The following SHC3 variants were observed in gnomAD, a reference collection of about 807,000 sequenced individuals.
The protein encoded by SHC3 is SHC-transforming protein 3.
A neutral mutation model predicts 60.4 loss-of-function variants in SHC3; 15 were observed. That is an observed-to-expected ratio of 0.25 (90% CI 0.17 to 0.38). The LOEUF (loss-of-function observed/expected upper bound fraction) is 0.38, where lower values mean the gene tolerates loss of function less well. Among genes scored for constraint, SHC3 ranks in the 10% least tolerant of loss-of-function variants. SHC3 has a pLI of 1.00. For missense variants in SHC3, 677 were observed against 786.1 expected, an observed-to-expected ratio of 0.86 and a Z score of 1.66; for synonymous variants, 294 against 325.9, an observed-to-expected ratio of 0.90 and a Z score of 1.05.
At chr9:89,161,634 C>A (rs1200855960) in intron 1 of SHC3, among the ~76,000 whole-genome samples, 1 of 152,008 alleles carries the variant, frequency 6.6e-6, no homozygotes, top group Non-Finnish European at 1.5e-5. Context: ...CAGCCAATAT[C>A]ATACTGAATG....
At position 89,160,854 on chromosome 9, in the gene SHC3, T is replaced by C. The variant is rs536035743; in HGVS notation, c.474+17133A>G. Among the ~76,000 whole-genome samples the C allele has an allele frequency of 9.4e-4, 143 of 152,334 alleles. 3 individuals are homozygous for C. In the South Asian group the frequency reaches 0.028, roughly 30 times the overall value. On this transcript the variant is annotated intron_variant, in intron 1 of 11. Transcript: ENST00000375835. ...GATTTTGGGTGGGCTGTGGCATACA[T>C]AGTTCATGGAAGGAACAATTACCAA...
chr9:89,132,380 G>A (rs867610014), intron 1 of SHC3, among the ~76,000 whole-genome samples: 12 of 152,202 alleles, frequency 7.9e-5, no homozygotes, highest in Middle Eastern at 3.4e-3. Flanking sequence ...AGCTATCGAC[G>A]ACTTTCTTCA....
intron 11 of SHC3, among the ~76,000 whole-genome samples, chr9:89,019,524 A>C (rs925604706): frequency 6.6e-6 from 1 of 152,236 alleles, no homozygotes; most frequent in Admixed American, 6.5e-5. Flanking sequence ...AGAATAAAAA[A>C]AATCTCCTTG....
chr9:89,072,556 T>C (rs1279071658), intron 4 of SHC3, among the ~76,000 whole-genome samples: 2 of 152,182 alleles, frequency 1.3e-5, no homozygotes, highest in African/African-American at 4.8e-5. Context: ...AATTTTGAAA[T>C]GGGAAATTTC....
intron 1 of SHC3, among the ~76,000 whole-genome samples, chr9:89,167,942 C>T (rs939970365): frequency 4.6e-5 from 7 of 152,176 alleles, no homozygotes; most frequent in African/African-American, 1.2e-4. Flanking sequence ...GCCCCCACCT[C>T]GAGGGACCAT....
intron 2 of SHC3, among the ~76,000 whole-genome samples, chr9:89,079,778 C>A (rs572537713): frequency 6.6e-6 from 1 of 152,224 alleles, no homozygotes; most frequent in South Asian, 2.1e-4. Flanking sequence ...AGGGCACATT[C>A]GCAGATAGAA....
intron 4 of SHC3, among the ~76,000 whole-genome samples, chr9:89,074,850 CA>C (rs1385186369): frequency 1.3e-5 from 2 of 151,366 alleles, no homozygotes; most frequent in African/African-American, 2.4e-5. Context: ...GCACACACAT[CA>C]TTTTTTTTTT....
intron 2 of SHC3, among the ~76,000 whole-genome samples, chr9:89,100,197 T>C (rs1040256844): frequency 2.0e-5 from 3 of 152,190 alleles, no homozygotes; most frequent in Non-Finnish European, 4.4e-5. Flanking sequence ...ATATTTTTTT[T>C]CATATTTTAA....
intron 1 of SHC3, among the ~76,000 whole-genome samples, chr9:89,137,856 C>T (rs561467496): frequency 2.0e-5 from 3 of 152,274 alleles, no homozygotes; most frequent in Admixed American, 6.5e-5. Context: ...ATAAATGAAA[C>T]ACGTTGCTCC....
intron 1 of SHC3, among the ~76,000 whole-genome samples, chr9:89,120,379 T>C (rs1010870585): frequency 2.6e-5 from 4 of 151,954 alleles, no homozygotes; most frequent in Non-Finnish European, 4.4e-5. Context: ...AGTCAGCCCA[T>C]CAACTCCATA....
intron 1 of SHC3, among the ~76,000 whole-genome samples, chr9:89,140,308 G>T (rs1026227038): frequency 6.6e-6 from 1 of 152,072 alleles, no homozygotes; most frequent in Admixed American, 6.6e-5. Flanking sequence ...GGGCTAATAA[G>T]CAGGGACAGC....
chr9:89,021,006 G>A (rs1261504819), intron 11 of SHC3, among the ~76,000 whole-genome samples: 3 of 152,270 alleles, frequency 2.0e-5, no homozygotes, highest in African/African-American at 7.2e-5. Context: ...GTAGGGATCT[G>A]CTGAGCTGCA....
At position 89,022,306 on chromosome 9, in the gene SHC3, C is replaced by G. The variant is rs571027970; in HGVS notation, c.1657-8731G>C. Among the ~76,000 whole-genome samples, 4 of 152,184 alleles carry G rather than the reference C, an allele frequency of 2.6e-5. No homozygotes were observed. In the South Asian group the frequency reaches 8.3e-4, roughly 32 times the overall value. ...GAGGGTTGGGGGAGGGGGGAAATTC[C>G]TACAGTGGGGAAAGCTCAGACCTCC... On this transcript the variant is annotated intron_variant, in intron 11 of 11. Transcript: ENST00000375835.
intron 1 of SHC3, among the ~76,000 whole-genome samples, chr9:89,153,118 A>G (rs1187593957): frequency 6.6e-6 from 1 of 152,226 alleles, no homozygotes; most frequent in African/African-American, 2.4e-5. Context: ...GTGGTTTACT[A>G]TGTATGTTGT....
intron 6 of SHC3, among the ~76,000 whole-genome samples, chr9:89,053,711 G>A (rs1385222756): frequency 1.3e-5 from 2 of 152,180 alleles, no homozygotes; most frequent in East Asian, 3.8e-4. Flanking sequence ...GTCTTCTGAT[G>A]ATCAATTATT....
At chr9:89,076,131 T>A (rs745531013) in intron 3 of SHC3, among the ~76,000 whole-genome samples, 3 of 151,656 alleles carry the variant, frequency 2.0e-5, no homozygotes, top group Non-Finnish European at 2.9e-5. Flanking sequence ...AAGAGAACCA[T>A]GAGGATGCCC....
At chr9:89,051,589 G>A (rs1015123502) in intron 7 of SHC3, among the ~76,000 whole-genome samples, 7 of 152,214 alleles carry the variant, frequency 4.6e-5, no homozygotes, top group Non-Finnish European at 7.3e-5. Flanking sequence ...AAAGGCCAGC[G>A]AAGCCGAAAC....
At position 89,038,107 on chromosome 9, in the gene SHC3, C is replaced by G. The variant is rs1007631191; in HGVS notation, c.1542G>C (p.Glu514Asp). 4 of 1,614,148 alleles carry G rather than the reference C, an allele frequency of 2.5e-6. No individual in the cohort carries two copies. Among genetic ancestry groups the G allele is most frequent in the African/African-American group, 2.7e-5 (2 of 75,040 alleles). ...TCCTGACCAGGAAGTCTCCGTCTTT[C>G]TCCAGCAGCCCCTCTGCCTCCTTCC... ...MSRKEAEGLL[E>D]KDGDFLVRKS... Residue 514 changes from glutamate to aspartate, a missense_variant, in exon 11 of 12, where the codon GAG (glutamate) becomes GAC (aspartate). Physicochemically the swap from Glu to Asp is conservative, Grantham distance 45. Coordinates refer to ENST00000375835, the MANE Select transcript of SHC3 (RefSeq NM_016848.6).
At chr9:89,176,027 C>T (rs1213067203) in intron 1 of SHC3, among the ~76,000 whole-genome samples, 1 of 152,186 alleles carries the variant, frequency 6.6e-6, no homozygotes, top group East Asian at 1.9e-4. Context: ...ACAATGCCTG[C>T]GTTTATGTTC....
Sources: gnomAD v4.1 joint callset for allele counts (sites outside exome capture counted in the v4.1 genomes callset) on GRCh38, gnomAD v4.1.1 for gene constraint, MANE v1.5 for transcripts, NCBI Gene and HGNC (gene_info 2026-07-23, HGNC 2026-07-21) for gene names.